ABCC4: variants seen among roughly 807,000 people sequenced by gnomAD.
ABCC4 encodes the protein ATP binding cassette subfamily C member 4 (PEL blood group).
A neutral mutation model predicts 168.5 loss-of-function variants in ABCC4; 102 were observed. The observed-to-expected ratio is 0.61, with a 90% confidence interval of 0.52 to 0.71. ABCC4 has a LOEUF of 0.71. Ranked by LOEUF, ABCC4 falls within the 30% of genes least tolerant of loss-of-function variation. The pLI is 0.00. For missense variants in ABCC4, 1,402 were observed against 1,605.8 expected, an observed-to-expected ratio of 0.87 and a Z score of 2.17; for synonymous variants, 617 against 590.7, an observed-to-expected ratio of 1.04 and a Z score of -0.65.
In ABCC4 at chr13:95,123,513, C is replaced by T. The variant is rs973391327; in HGVS notation, c.2456-7512G>A. Among the ~76,000 whole-genome samples, 4 of 152,092 alleles carry T rather than the reference C, an allele frequency of 2.6e-5. No individual in the cohort carries two copies. In the South Asian group the frequency reaches 6.2e-4, roughly 24 times the overall value. ...AGTAGCTGGGAATACAGACGTGCAC[C>T]GCCACACCCAGCAAATTTTTGTATT... On this transcript the variant is annotated intron_variant, in intron 19 of 30. Transcript: ENST00000645237.
At chr13:95,253,072 C>T (rs2040306825) in intron 1 of ABCC4, among the ~76,000 whole-genome samples, 1 of 152,186 alleles carries the variant, frequency 6.6e-6, no homozygotes, top group Non-Finnish European at 1.5e-5. Context: ...TGTTCTTCCT[C>T]ACCTTCCTGT....
intron 1 of ABCC4, among the ~76,000 whole-genome samples, chr13:95,270,892 G>A (rs1265655973): frequency 1.3e-5 from 2 of 152,156 alleles, no homozygotes; most frequent in African/African-American, 4.8e-5. Context: ...TCAGGAGATC[G>A]AGACTATCCT....
At chr13:95,158,315 G>A (rs1301357312) in intron 19 of ABCC4, among the ~76,000 whole-genome samples, 1 of 152,118 alleles carries the variant, frequency 6.6e-6, no homozygotes, top group Admixed American at 6.5e-5. Context: ...TGGGGTGGGA[G>A]TGGACATAAA....
At chr13:95,203,618 A>C (rs948583802) in intron 8 of ABCC4, among the ~76,000 whole-genome samples, 1 of 152,022 alleles carries the variant, frequency 6.6e-6, no homozygotes, top group African/African-American at 2.4e-5. Context: ...TCGGCCTCCC[A>C]AAGTGCTGCG....
In ABCC4 at chr13:95,207,739, A is replaced by T. The variant is rs2038822873; in HGVS notation, c.911+61T>A. 1.9e-6 allele frequency: 3 copies of T among 1,546,656 alleles called. No homozygotes were observed. In the Admixed American group the frequency reaches 5.8e-5, roughly 30 times the overall value. On this transcript the variant is annotated intron_variant, in intron 7 of 30. Transcript: ENST00000645237. ...AAAACATAGTAAAACTTCTAAAACC[A>T]TCAACAAGAATAGCAAATAGAAAAA... is the stretch of plus-strand genomic sequence containing the variant.
At chr13:95,161,828 T>A (rs938623444) in intron 18 of ABCC4, 1 of 152,232 alleles carries the variant, frequency 6.6e-6, no homozygotes, top group Non-Finnish European at 1.5e-5. Flanking sequence ...TTAAGTTGCA[T>A]GTGGAAAACC....
At chr13:95,057,200 T>C (rs2033093924) in intron 26 of ABCC4, among the ~76,000 whole-genome samples, 1 of 152,150 alleles carries the variant, frequency 6.6e-6, no homozygotes, top group Non-Finnish European at 1.5e-5. Context: ...CGCTTCTTCC[T>C]GAAATTTTGA....
chr13:95,242,001 TCATCG>T (rs2138785753), intron 3 of ABCC4, among the ~76,000 whole-genome samples: 1 of 152,224 alleles, frequency 6.6e-6, no homozygotes, highest in African/African-American at 2.4e-5. Flanking sequence ...CTGTTCAACC[TCATCG>T]CCAAGGTCTG....
At chr13:95,104,143 G>A (rs766194387) in intron 20 of ABCC4, among the ~76,000 whole-genome samples, 13 of 152,154 alleles carry the variant, frequency 8.5e-5, no homozygotes, top group Non-Finnish European at 1.8e-4. Context: ...TGTTGAGATG[G>A]AGTCTCTCTC....
At chr13:95,280,477 A>G (rs1365813560) in intron 1 of ABCC4, among the ~76,000 whole-genome samples, 1 of 150,130 alleles carries the variant, frequency 6.7e-6, no homozygotes, top group East Asian at 2.0e-4. Flanking sequence ...TGCCAAGCAG[A>G]GTTCAATCCA....
chr13:95,174,879 G>A (rs2037614427), intron 13 of ABCC4, among the ~76,000 whole-genome samples: 1 of 152,232 alleles, frequency 6.6e-6, no homozygotes, highest in Non-Finnish European at 1.5e-5. Flanking sequence ...CCTGCACTCT[G>A]CATTCAGAAA....
At position 95,065,433 on chromosome 13, in the gene ABCC4, A is replaced by G. The variant is rs558532388; in HGVS notation, c.3211-2574T>C. Among the ~76,000 whole-genome samples the G allele has an allele frequency of 3.7e-4, 56 of 152,300 alleles. 1 individual carries two copies. Among genetic ancestry groups the G allele is most frequent in the Admixed American group, 1.8e-3 (27 of 15,296 alleles). On this transcript the variant is annotated intron_variant, in intron 25 of 30. Transcript: ENST00000645237. ...TTGAGTGTGAGTTATCTGTGTTCCT[A>G]AAGATATAATCTCATATATTTAGGC...
At chr13:95,277,196 A>C (rs552561588) in intron 1 of ABCC4, among the ~76,000 whole-genome samples, 1 of 152,240 alleles carries the variant, frequency 6.6e-6, no homozygotes, top group East Asian at 1.9e-4. Context: ...TTCTAGACCT[A>C]GGATCATTTT....
Position 95,083,171 on chromosome 13 carries a change from C to T in ABCC4, c.2655G>A (p.Thr885=), listed in dbSNP as rs746006291. The change falls in exon 21 of 31, where the codon ACG becomes ACA. Residue 885 remains threonine (T), a synonymous_variant. Transcript: ENST00000645237. The part of the protein sequence containing the change: ...FIFLRRYFLE[T]SRDVKRLEST... ...ATTCCAGGCGCTTCACATCTCTTGA[C>T]GTTTCCAAAAAATATCGCCGAAGAA... 16 of 1,613,846 alleles carry T rather than the reference C, an allele frequency of 9.9e-6. No homozygotes were observed. Among genetic ancestry groups the T allele is most frequent in the Middle Eastern group, 1.6e-4 (1 of 6,078 alleles).
chr13:95,243,524 C>T (rs767792740), intron 3 of ABCC4, among the ~76,000 whole-genome samples: 29 of 152,132 alleles, frequency 1.9e-4, no homozygotes, highest in Non-Finnish European at 3.8e-4. Context: ...TGTTGATGAA[C>T]TTGGGTCAGC....
intron 25 of ABCC4, 138 bp downstream of exon 25, chr13:95,071,523 TC>T: frequency 1.5e-6 from 1 of 679,586 alleles, no homozygotes; most frequent in Non-Finnish European, 2.2e-6. Flanking sequence ...AATGTTGGTA[TC>T]CACATTCCAT....
chr13:95,265,070 T>C (rs2040634148), intron 1 of ABCC4, among the ~76,000 whole-genome samples: 2 of 152,098 alleles, frequency 1.3e-5, no homozygotes, highest in South Asian at 2.1e-4. Flanking sequence ...GGTTTTGCCA[T>C]GTTGGCCAGG....
At chr13:95,123,086 T>TG (rs1352364321) in intron 19 of ABCC4, among the ~76,000 whole-genome samples, 9 of 152,314 alleles carry the variant, frequency 5.9e-5, no homozygotes, top group Admixed American at 5.9e-4. Flanking sequence ...TTTCCCCAAC[T>TG]GGAAGATGCT....
intron 19 of ABCC4, among the ~76,000 whole-genome samples, chr13:95,131,500 ACGACTATAATCC>A (rs1257984591): frequency 6.6e-6 from 1 of 152,156 alleles, no homozygotes; most frequent in Non-Finnish European, 1.5e-5. Flanking sequence ...TTGGTGGTGC[ACGACTATAATCC>A]CAGCTATTCG....
Sources: allele counts gnomAD v4.1 joint callset (sites outside exome capture counted in the v4.1 genomes callset), GRCh38; gene constraint gnomAD v4.1.1; transcripts MANE v1.5; gene names NCBI Gene and HGNC (gene_info 2026-07-23, HGNC 2026-07-21).